The following SLC13A5 variants were observed in gnomAD, a reference collection of about 807,000 sequenced individuals.
The protein encoded by SLC13A5 is Na(+)/citrate cotransporter.
Under a neutral mutation model 56.5 loss-of-function variants are expected in SLC13A5, and 25 were observed. The observed-to-expected ratio is 0.44, with a 90% confidence interval of 0.32 to 0.62. The LOEUF (loss-of-function observed/expected upper bound fraction) is 0.62. Among genes scored for constraint, SLC13A5 ranks in the 20% least tolerant of loss-of-function variants. The pLI, the probability that SLC13A5 is intolerant of heterozygous loss-of-function variation, is 0.04. For missense variants in SLC13A5, 649 were observed against 737.8 expected, an observed-to-expected ratio of 0.88 and a Z score of 1.39; for synonymous variants, 307 against 301.5, an observed-to-expected ratio of 1.02 and a Z score of -0.19.
chr17:6,702,112 T>A (rs1421776292), intron 5 of SLC13A5, among the ~76,000 whole-genome samples: 1 of 152,164 alleles, frequency 6.6e-6, no homozygotes. Context: ...CCAGCCAGGC[T>A]CCAGACCTGT....
At chr17:6,703,198 G>T (rs1391056595) in intron 4 of SLC13A5, 60 bp from the exon 5 acceptor site, 1 of 1,590,936 alleles carries the variant, frequency 6.3e-7, no homozygotes, top group Non-Finnish European at 8.6e-7. Context: ...CCCAGCCCCA[G>T]GTCCTGACTC....
chr17:6,698,871 C>A (rs2151490031), intron 6 of SLC13A5, among the ~76,000 whole-genome samples: 1 of 151,934 alleles, frequency 6.6e-6, no homozygotes, highest in East Asian at 1.9e-4. Flanking sequence ...AACCCCATCT[C>A]TACTAAAAAA....
intron 10 of SLC13A5, chr17:6,689,386 G>A (rs1973334632): frequency 6.6e-6 from 1 of 152,246 alleles, no homozygotes; most frequent in Non-Finnish European, 1.5e-5. Context: ...TCTCATAGGT[G>A]GGCGTGAGAC....
intron 1 of SLC13A5, among the ~76,000 whole-genome samples, chr17:6,709,950 G>A (rs1309396643): frequency 1.3e-5 from 2 of 152,314 alleles, no homozygotes; most frequent in East Asian, 1.9e-4. Flanking sequence ...TCTCCAGGTT[G>A]GACAGCAAAA....
At chr17:6,698,557 C>T (rs1973620773) in intron 6 of SLC13A5, among the ~76,000 whole-genome samples, 2 of 152,204 alleles carry the variant, frequency 1.3e-5, no homozygotes, top group African/African-American at 4.8e-5. Flanking sequence ...CCCTCAGCCT[C>T]CCCAAGAGGG....
In SLC13A5 at chr17:6,695,573, T is replaced by A. The variant is rs1224101707; in HGVS notation, c.1055+153A>T. 10 of 683,554 alleles carry A rather than the reference T, an allele frequency of 1.5e-5. No homozygotes were observed. The Admixed American group carries it at 1.6e-4, about 11-fold the overall frequency. The allele number at this position is 683,554 out of a possible 1,614,324, so 42.3% of individuals were successfully genotyped here. A position where few individuals can be genotyped will look rare whatever the true frequency, so the allele number is the denominator to read the frequency against. The stretch of plus-strand genomic sequence containing the variant: ...CCTCGCTAATTTTCTGTATTTTTAG[T>A]AGAGACAGGGTTTCACCATGTTGGC... On this transcript the variant is annotated intron_variant, in intron 7 of 11. Coordinates refer to ENST00000433363, the MANE Select transcript of SLC13A5 (RefSeq NM_177550.5).
chr17:6,698,737 T>C (rs994131072), intron 6 of SLC13A5, among the ~76,000 whole-genome samples: 6 of 152,166 alleles, frequency 3.9e-5, no homozygotes, highest in Non-Finnish European at 5.9e-5. Flanking sequence ...TGAAAATTAA[T>C]TAAGTTTAAG....
At chr17:6,696,006 A>G in intron 6 of SLC13A5, 65 bp from the exon 7 acceptor site, 1 of 1,449,020 alleles carries the variant, frequency 6.9e-7, no homozygotes, top group Non-Finnish European at 9.6e-7. Flanking sequence ...GGTCAGATGG[A>G]GCCTAAATGT....
rs758719176 is a variant in SLC13A5 at position 6,713,244 on chromosome 17, C to T, written c.90G>A (p.Leu30=). The T allele has an allele frequency of 6.2e-7, 1 of 1,613,942 alleles. No homozygotes were observed. The highest frequency in any genetic ancestry group is 1.7e-5 in the Admixed American group (1 of 60,028). The part of the protein sequence containing the change: ...TPLLLLPLVI[L]MPAKFVRCAY... Reference sequence around the variant, plus strand: ...AGATGCAACTGACCTTGGCGGGCATCAGAATGACGAGTGGCAGCAGCAGGA... The same window carrying T: ...AGATGCAACTGACCTTGGCGGGCATTAGAATGACGAGTGGCAGCAGCAGGA... The change falls in exon 1 of 12, where the codon CTG becomes CTA. Residue 30 remains leucine, a synonymous_variant. Coordinates refer to ENST00000433363, the MANE Select transcript of SLC13A5 (RefSeq NM_177550.5). This position sits in a 1 kb window ranked among gnomAD's most constrained non-coding sequence, Gnocchi z 7.3.
At position 6,690,944 on chromosome 17, in the gene SLC13A5, G is replaced by T; in HGVS notation, c.1276-4C>A. 1 of 1,597,992 alleles carries T rather than the reference G, an allele frequency of 6.3e-7. No homozygotes were observed. ...TCCACACGGACAGCCCCGAGGCCTG[G>T]GAAGCACCAGGAGGGCAGTCATCTC... is the stretch of plus-strand genomic sequence containing the variant. On this transcript the variant is annotated splice_region_variant and splice_polypyrimidine_tract_variant and intron_variant, in intron 9 of 11. Coordinates refer to ENST00000433363, the MANE Select transcript of SLC13A5 (RefSeq NM_177550.5).
rs1179108374 is a variant in SLC13A5 at position 6,694,143 on chromosome 17, C to T, written c.1110G>A (p.Val370=). 3 of 1,613,686 alleles carry T rather than the reference C, an allele frequency of 1.9e-6. No homozygotes were observed. Among genetic ancestry groups the T allele is most frequent in the Non-Finnish European group, 2.5e-6 (3 of 1,179,826 alleles). ...AIFVATLLFI[V]PSQKPKFNFR... ...AGTTAAACTTGGGCTTCTGTGAAGG[C>T]ACAATGAATAGCAGGGTGGCCACAA... The change falls in exon 8 of 12, where the codon GTG becomes GTA. Residue 370 remains valine, a synonymous_variant. Coordinates refer to ENST00000433363, the MANE Select transcript of SLC13A5 (RefSeq NM_177550.5).
intron 2 of SLC13A5, 119 bp downstream of exon 2, chr17:6,706,909 G>A: frequency 7.7e-6 from 12 of 1,558,748 alleles, no homozygotes; most frequent in Non-Finnish European, 1.0e-5. Context: ...CCCTGCCAGG[G>A]AGAATCCACA....
intron 7 of SLC13A5, among the ~76,000 whole-genome samples, chr17:6,694,760 C>T (rs1973513655): frequency 1.3e-5 from 2 of 152,200 alleles, no homozygotes; most frequent in Non-Finnish European, 2.9e-5. Flanking sequence ...TTCAGGACCT[C>T]TTCTTGACCA....
At chr17:6,690,707 G>A (rs912018232) in intron 10 of SLC13A5, 72 bp downstream of exon 10, 68 of 1,602,124 alleles carry the variant, frequency 4.2e-5, no homozygotes, top group African/African-American at 4.1e-4. Context: ...TTGCTGCCTC[G>A]TCAGGGACCC....
In SLC13A5 at chr17:6,713,177, G is replaced by A. The variant is rs1417567035; in HGVS notation, c.102+55C>T. ...CTCAGGGCTCCCGGGATCGGTGCCC[G>A]TTAGTGGGCACAGGACGCCGGGTGT... On this transcript the variant is annotated intron_variant, in intron 1 of 11. Coordinates refer to ENST00000433363, the MANE Select transcript of SLC13A5 (RefSeq NM_177550.5). This position sits in a 1 kb window ranked among gnomAD's most constrained non-coding sequence, Gnocchi z 7.3. 3 of 1,546,190 alleles carry A rather than the reference G, an allele frequency of 1.9e-6. No homozygotes were observed. The highest frequency in any genetic ancestry group is 1.7e-4 in the Middle Eastern group (1 of 5,952).
In SLC13A5 at chr17:6,686,358, A is replaced by G; in HGVS notation, c.1576-20T>C. 1.2e-6 allele frequency: 2 copies of G among 1,613,892 alleles called. No individual in the cohort carries two copies. Among genetic ancestry groups the G allele is most frequent in the Non-Finnish European group, 8.5e-7 (1 of 1,179,832 alleles). On this transcript the variant is annotated intron_variant, in intron 11 of 11. Coordinates refer to ENST00000433363, the MANE Select transcript of SLC13A5 (RefSeq NM_177550.5). ...TTTCACCTGGAAAAGAGACAGAGTC[A>G]GCACCCTGAGGCCTGCTGGGGACTA...
In SLC13A5 at chr17:6,685,338, G is replaced by C. The variant is rs1334789407; in HGVS notation, c.*869C>G. ...CTTGGAGTGTGATCCTAGCTATTTGGGGATGGCAGGGGAAGCATCTCCCAG... is the reference window on the plus strand; with the variant it reads ...CTTGGAGTGTGATCCTAGCTATTTGCGGATGGCAGGGGAAGCATCTCCCAG... On this transcript the variant is annotated 3_prime_UTR_variant, in exon 12 of 12. Coordinates refer to ENST00000433363, the MANE Select transcript of SLC13A5 (RefSeq NM_177550.5). This position sits in a 1 kb window ranked among gnomAD's most constrained non-coding sequence, Gnocchi z 4.2. The C allele has an allele frequency of 6.6e-6, 1 of 152,214 alleles. No individual in the cohort carries two copies. The highest frequency in any genetic ancestry group is 1.5e-5 in the Non-Finnish European group (1 of 68,062). The allele number at this position is 152,214 out of a possible 1,614,324, so 9.4% of individuals were successfully genotyped here.
intron 3 of SLC13A5, 134 bp from the exon 4 acceptor site, chr17:6,704,190 G>A: frequency 2.1e-6 from 2 of 945,922 alleles, no homozygotes; most frequent in Non-Finnish European, 3.3e-6. Context: ...TCAGATATTG[G>A]AATAGGGATG....
chr17:6,690,403 G>A (rs57684686), intron 10 of SLC13A5, among the ~76,000 whole-genome samples: 13,703 of 152,194 alleles, frequency 0.09, 685 homozygotes, highest in African/African-American at 0.12. Flanking sequence ...CCAGCCAGTG[G>A]TGCTCCCAGT....
Sources: gnomAD v4.1 joint callset for allele counts (sites outside exome capture counted in the v4.1 genomes callset) on GRCh38, gnomAD v4.1.1 for gene constraint, Gnocchi (gnomAD v3.1) non-coding constraint, MANE v1.5 for transcripts, NCBI Gene and HGNC (gene_info 2026-07-23, HGNC 2026-07-21) for gene names.